Variants in SMIM14 observed in about 807,000 individuals in gnomAD.
SMIM14 encodes chromosome 4 open reading frame 34.
In SMIM14, 5 loss-of-function variants were observed where a neutral mutation model predicts 12.6. The ratio of observed to expected loss-of-function variants is 0.40; its 90% CI spans 0.21 to 0.83. The LOEUF is 0.83. SMIM14 is among the 40% of genes least tolerant of loss of function. The pLI, the probability that SMIM14 is intolerant of heterozygous loss-of-function variation, is 0.37. For missense variants in SMIM14, 86 were observed against 119.1 expected (o/e 0.72, Z 1.29); for synonymous variants, 30 against 40.1 (o/e 0.75, Z 0.95).
chr4:39,554,830 A>ATTTTTTTT (rs34845808), intron 4 of SMIM14, among the ~76,000 whole-genome samples: 1 of 124,020 alleles, frequency 8.1e-6, no homozygotes, highest in Non-Finnish European at 1.7e-5. Flanking sequence ...AATTCATGGA[A>ATTTTTTTT]TTTTTTTTTT....
chr4:39,619,021 T>C (rs1422444369), intron 1 of SMIM14, among the ~76,000 whole-genome samples: 3 of 152,104 alleles, frequency 2.0e-5, no homozygotes, highest in Non-Finnish European at 4.4e-5. Context: ...CTTTGGAATA[T>C]ATGTGATATA....
chr4:39,608,871 G>A (rs116633061), intron 1 of SMIM14, among the ~76,000 whole-genome samples: 2,294 of 152,280 alleles, frequency 0.015, 58 homozygotes, highest in African/African-American at 0.053. Flanking sequence ...GGGAGTGACT[G>A]CTAATGTGTA....
At chr4:39,560,198 A>G (rs1712229528) in intron 3 of SMIM14, among the ~76,000 whole-genome samples, 1 of 149,524 alleles carries the variant, frequency 6.7e-6, no homozygotes. Flanking sequence ...ACAGTTGGAC[A>G]CTCCTTCATC....
intron 1 of SMIM14, among the ~76,000 whole-genome samples, chr4:39,629,454 T>C (rs1315714530): frequency 6.7e-6 from 1 of 149,536 alleles, no homozygotes; most frequent in Admixed American, 6.8e-5. Flanking sequence ...AAATGATTTT[T>C]TTTTTTTTTG....
chr4:39,619,278 CT>C lies in SMIM14; in HGVS notation c.-35-14099del, dbSNP rs982384885. 5.2e-5 allele frequency among the ~76,000 whole-genome samples: 5 copies of C among 95,254 alleles called. No homozygotes were observed. In the South Asian group the frequency reaches 1.5e-3, roughly 29 times the overall value. 62.5% of individuals were successfully genotyped at this position (95,254 alleles called of 152,430 possible). Reference sequence around the variant, plus strand: ...TATATATCAATAAATATAATTTATTCTATATATCAATAAATATAATTTATTC... The same window carrying C: ...TATATATCAATAAATATAATTTATTCATATATCAATAAATATAATTTATTC... On this transcript the variant is annotated intron_variant, in intron 1 of 4. Coordinates refer to ENST00000295958, the MANE Select transcript of SMIM14 (RefSeq NM_174921.3).
intron 2 of SMIM14, among the ~76,000 whole-genome samples, chr4:39,585,878 T>C (rs1713761253): frequency 6.6e-6 from 1 of 152,088 alleles, no homozygotes; most frequent in Admixed American, 6.6e-5. Context: ...CATCTCTGAA[T>C]TGCTGTTAAG....
chr4:39,559,837 C>T (rs1166557270), intron 3 of SMIM14, among the ~76,000 whole-genome samples: 6 of 152,220 alleles, frequency 3.9e-5, no homozygotes, highest in Admixed American at 2.6e-4. Flanking sequence ...GCTAAACAGG[C>T]CGGGCGTGGC....
At position 39,547,090 on chromosome 4, in the gene SMIM14, A is replaced by C. The variant is rs778978991; in HGVS notation, c.*5036T>G. On this transcript the variant is annotated 3_prime_UTR_variant, in exon 5 of 5. Coordinates refer to ENST00000295958, the MANE Select transcript of SMIM14 (RefSeq NM_174921.3). ...GAAATGTGACTGCAATCTAATTTCC[A>C]AGAGAGAAACTCTACTTCTGAATAC... 2.0e-5 allele frequency: 3 copies of C among 152,224 alleles called. No individual in the cohort carries two copies. The highest frequency in any genetic ancestry group is 7.2e-5 in the African/African-American group (3 of 41,472). 9.4% of individuals were successfully genotyped at this position (152,224 alleles called of 1,614,324 possible).
rs28688149 is a variant in SMIM14, at chr4:39,566,420, C to T, written c.124+5995G>A. Among the ~76,000 whole-genome samples the T allele has an allele frequency of 3.1e-3, 465 of 152,110 alleles. 3 individuals carry two copies. Among genetic ancestry groups the T allele is most frequent in the African/African-American group, 0.011 (438 of 41,494 alleles). On this transcript the variant is annotated intron_variant, in intron 3 of 4. Coordinates refer to ENST00000295958, the MANE Select transcript of SMIM14 (RefSeq NM_174921.3). ...TGAGTCATGAGACCAGATGAGATCACCAAGTGAGTGAATGTCTAGAAAAGG... is the reference window on the plus strand; with the variant it reads ...TGAGTCATGAGACCAGATGAGATCATCAAGTGAGTGAATGTCTAGAAAAGG...
chr4:39,586,249 A>C (rs953501165), intron 2 of SMIM14, among the ~76,000 whole-genome samples: 2 of 151,962 alleles, frequency 1.3e-5, no homozygotes, highest in African/African-American at 4.8e-5. Context: ...TTCCATCTTC[A>C]ATTGGCTTCC....
intron 1 of SMIM14, among the ~76,000 whole-genome samples, chr4:39,634,964 T>C (rs1716037591): frequency 1.3e-5 from 2 of 152,246 alleles, no homozygotes; most frequent in Non-Finnish European, 2.9e-5. Context: ...AGGTTCCATA[T>C]TCACAGAGCT....
chr4:39,635,439 G>A (rs899938459), intron 1 of SMIM14, among the ~76,000 whole-genome samples: 2 of 152,142 alleles, frequency 1.3e-5, no homozygotes, highest in Non-Finnish European at 2.9e-5. Flanking sequence ...GATCTCTTAG[G>A]CTGGTAAGGG....
chr4:39,564,188 G>C (rs1712461336), intron 3 of SMIM14, among the ~76,000 whole-genome samples: 1 of 152,180 alleles, frequency 6.6e-6, no homozygotes, highest in Admixed American at 6.6e-5. Flanking sequence ...GGTTTCCGCT[G>C]GGGAAAGCAA....
chr4:39,556,352 C>A, intron 4 of SMIM14, 76 bp downstream of exon 4: 1 of 1,432,320 alleles, frequency 7.0e-7, no homozygotes, highest in Admixed American at 2.3e-5. Flanking sequence ...GTGTTTTAGT[C>A]AAAACCAAGT....
chr4:39,627,183 C>T (rs1239121511), intron 1 of SMIM14, among the ~76,000 whole-genome samples: 1 of 152,130 alleles, frequency 6.6e-6, no homozygotes, highest in Non-Finnish European at 1.5e-5. Flanking sequence ...ATGGCTCCAC[C>T]CTCATGACTT....
At chr4:39,634,060 C>A (rs1393567190) in intron 1 of SMIM14, among the ~76,000 whole-genome samples, 13 of 152,220 alleles carry the variant, frequency 8.5e-5, no homozygotes, top group Admixed American at 8.5e-4. Flanking sequence ...TCCCAAGTAG[C>A]TGGGATTACA....
In SMIM14 at chr4:39,599,792, C is replaced by T. The variant is rs1232625289; in HGVS notation, c.75+5279G>A. Among the ~76,000 whole-genome samples the T allele has an allele frequency of 2.6e-5, 4 of 152,008 alleles. No homozygotes were observed. In the South Asian group the frequency reaches 6.2e-4, roughly 24 times the overall value. ...CAAAAATTAGCTGGGCATGGTAGCG[C>T]GCACCTATAGTCCCAGCTACTTGGG... On this transcript the variant is annotated intron_variant, in intron 2 of 4. Coordinates refer to ENST00000295958, the MANE Select transcript of SMIM14 (RefSeq NM_174921.3).
chr4:39,572,982 G>A (rs930559451), intron 2 of SMIM14, among the ~76,000 whole-genome samples: 2 of 150,210 alleles, frequency 1.3e-5, no homozygotes, highest in African/African-American at 4.9e-5. Flanking sequence ...TACTACAGGT[G>A]TGTGCCACCA....
intron 1 of SMIM14, among the ~76,000 whole-genome samples, chr4:39,605,441 A>C (rs1252073662): frequency 6.6e-6 from 1 of 151,248 alleles, no homozygotes; most frequent in Non-Finnish European, 1.5e-5. Flanking sequence ...GTGATGCTGA[A>C]GATGCTAGAA....
Sources: allele counts gnomAD v4.1 joint callset (sites outside exome capture counted in the v4.1 genomes callset), GRCh38; gene constraint gnomAD v4.1.1; transcripts MANE v1.5; gene names NCBI Gene and HGNC (gene_info 2026-07-23, HGNC 2026-07-21).